The following DOCK3 variants were observed in gnomAD, a reference collection of about 807,000 sequenced individuals.
DOCK3 encodes dedicator of cytokinesis 3, also known as dedicator of cytokinesis protein 3.
Under a neutral mutation model 265.6 loss-of-function variants are expected in DOCK3, and 60 were observed. The ratio of observed to expected loss-of-function variants is 0.23; its 90% CI spans 0.18 to 0.28. The LOEUF is 0.28. Among genes scored for constraint, DOCK3 ranks in the 10% least tolerant of loss-of-function variants. The probability of loss-of-function intolerance (pLI) is 1.00; values close to 1 mark genes in which losing one functional copy is unlikely to be tolerated. For missense variants in DOCK3, 1,981 were observed against 2,594.3 expected, an observed-to-expected ratio of 0.76 and a Z score of 5.14; for synonymous variants, 881 against 938.0, an observed-to-expected ratio of 0.94 and a Z score of 1.11.
intron 5 of DOCK3, among the ~76,000 whole-genome samples, chr3:50,963,892 G>C (rs2076956834): frequency 6.6e-6 from 1 of 152,144 alleles, no homozygotes; most frequent in African/African-American, 2.4e-5. Context: ...AGAGGAGAGA[G>C]CTTCAAGAGA....
At chr3:51,345,897 A>G (rs1010550195) in intron 38 of DOCK3, among the ~76,000 whole-genome samples, 1 of 152,200 alleles carries the variant, frequency 6.6e-6, no homozygotes, top group Non-Finnish European at 1.5e-5. Flanking sequence ...GTGAAATTAT[A>G]TCTGAGATTT....
At chr3:51,091,777 G>A (rs189831526) in intron 9 of DOCK3, among the ~76,000 whole-genome samples, 5 of 152,172 alleles carry the variant, frequency 3.3e-5, no homozygotes, top group East Asian at 1.9e-4. Context: ...TGCAGAAGGC[G>A]GGTGATTTCT....
intron 5 of DOCK3, among the ~76,000 whole-genome samples, chr3:51,054,611 T>C (rs1307769214): frequency 6.6e-6 from 1 of 152,206 alleles, no homozygotes; most frequent in Non-Finnish European, 1.5e-5. Flanking sequence ...GTTGGACATC[T>C]TCAAATGATG....
At chr3:51,330,940 A>G (rs768054245) in intron 33 of DOCK3, among the ~76,000 whole-genome samples, 3 of 152,238 alleles carry the variant, frequency 2.0e-5, no homozygotes, top group Non-Finnish European at 4.4e-5. Context: ...TCTTTGTTTT[A>G]GTACCATTTT....
intron 4 of DOCK3, among the ~76,000 whole-genome samples, chr3:50,919,767 A>T (rs1306739237): frequency 6.6e-6 from 1 of 152,146 alleles, no homozygotes; most frequent in Non-Finnish European, 1.5e-5. Flanking sequence ...GATTGCCCTG[A>T]CCAGAACTTC....
At chr3:51,324,630 C>G (rs946713288) in intron 32 of DOCK3, among the ~76,000 whole-genome samples, 1 of 152,136 alleles carries the variant, frequency 6.6e-6, no homozygotes, top group African/African-American at 2.4e-5. Flanking sequence ...GCAAAAAGAA[C>G]AAAGCTGGAG....
intron 1 of DOCK3, among the ~76,000 whole-genome samples, chr3:50,755,210 G>A (rs2040087518): frequency 1.3e-5 from 2 of 152,226 alleles, no homozygotes; most frequent in African/African-American, 4.8e-5. Flanking sequence ...AGATGGTTAA[G>A]ACCATGTGAG....
intron 24 of DOCK3, among the ~76,000 whole-genome samples, chr3:51,274,650 A>C (rs1373767898): frequency 6.6e-6 from 1 of 151,782 alleles, no homozygotes; most frequent in Non-Finnish European, 1.5e-5. Flanking sequence ...GGTGCCATAC[A>C]CCTGTGGTCC....
intron 13 of DOCK3, among the ~76,000 whole-genome samples, chr3:51,209,663 T>C (rs2089402543): frequency 6.6e-6 from 1 of 152,238 alleles, no homozygotes; most frequent in Admixed American, 6.5e-5. Context: ...TTATAAGTTG[T>C]CCTTAAATGA....
intron 20 of DOCK3, 123 bp downstream of exon 20, chr3:51,236,551 G>C: frequency 2.2e-6 from 2 of 909,256 alleles, no homozygotes; most frequent in Non-Finnish European, 3.4e-6. Context: ...AATAGAAAAG[G>C]GACTAAGGAC....
chr3:50,958,826 C>T (rs60184902), intron 5 of DOCK3, among the ~76,000 whole-genome samples: 11,934 of 152,134 alleles, frequency 0.078, 1,048 homozygotes, highest in East Asian at 0.33. Context: ...TGAGCCCCCC[C>T]AAATGAAATG....
chr3:50,936,351 T>C (rs1211512272), intron 5 of DOCK3, among the ~76,000 whole-genome samples: 2 of 149,752 alleles, frequency 1.3e-5, no homozygotes, highest in East Asian at 1.9e-4. Context: ...GAATACTAGA[T>C]AGAGAGGACA....
intron 9 of DOCK3, among the ~76,000 whole-genome samples, chr3:51,130,492 C>A (rs749361116): frequency 6.6e-5 from 10 of 152,208 alleles, no homozygotes; most frequent in Non-Finnish European, 1.5e-4. Context: ...AATGAAACCA[C>A]ATCTGGTAAA....
intron 1 of DOCK3, among the ~76,000 whole-genome samples, chr3:50,768,682 A>G (rs1482227782): frequency 6.6e-6 from 1 of 152,238 alleles, no homozygotes; most frequent in Non-Finnish European, 1.5e-5. Context: ...TTGATTCCAT[A>G]TCTTGGCTGT....
chr3:51,285,685 A>G (rs2081365089), intron 27 of DOCK3, among the ~76,000 whole-genome samples: 1 of 152,112 alleles, frequency 6.6e-6, no homozygotes, highest in Non-Finnish European at 1.5e-5. Flanking sequence ...CTATAATCCC[A>G]GCACTTTGGG....
intron 23 of DOCK3, among the ~76,000 whole-genome samples, chr3:51,263,031 C>A (rs1034139346): frequency 6.6e-5 from 10 of 152,154 alleles, no homozygotes; most frequent in Non-Finnish European, 1.0e-4. Flanking sequence ...CTCAACCTAG[C>A]AAGACAGGCC....
intron 12 of DOCK3, among the ~76,000 whole-genome samples, chr3:51,205,123 T>C (rs1246256665): frequency 6.6e-6 from 1 of 151,914 alleles, no homozygotes; most frequent in Non-Finnish European, 1.5e-5. Context: ...ATATGTAACT[T>C]ACCTGCACAT....
chr3:51,040,443 T>C (rs1383415084), intron 5 of DOCK3, among the ~76,000 whole-genome samples: 1 of 152,202 alleles, frequency 6.6e-6, no homozygotes, highest in Non-Finnish European at 1.5e-5. Flanking sequence ...GCTAAAAAAA[T>C]GCTAATTATC....
chr3:51,131,560 A>G (rs1389491471), intron 9 of DOCK3, among the ~76,000 whole-genome samples: 2 of 152,148 alleles, frequency 1.3e-5, no homozygotes, highest in Non-Finnish European at 1.5e-5. Context: ...CTCTGTTTTT[A>G]TAATTCAAAC....
Sources: allele counts gnomAD v4.1 joint callset (sites outside exome capture counted in the v4.1 genomes callset), GRCh38; gene constraint gnomAD v4.1.1; transcripts MANE v1.5; gene names NCBI Gene and HGNC (gene_info 2026-07-23, HGNC 2026-07-21).